The following CNTNAP2 variants were observed in gnomAD, a reference collection of about 807,000 sequenced individuals.
CNTNAP2 encodes contactin associated protein 2.
Under a neutral mutation model 155.2 loss-of-function variants are expected in CNTNAP2, and 98 were observed. The ratio of observed to expected loss-of-function variants is 0.63; its 90% CI spans 0.54 to 0.75. The LOEUF (loss-of-function observed/expected upper bound fraction) is 0.75. CNTNAP2 is among the 30% of genes least tolerant of loss of function. The pLI is 0.00. For missense variants in CNTNAP2, 1,727 were observed against 1,688.1 expected (o/e 1.02, Z -0.40); for synonymous variants, 651 against 631.2 (o/e 1.03, Z -0.47).
At chr7:147,190,253 G>T (rs1802656413) in intron 8 of CNTNAP2, among the ~76,000 whole-genome samples, 1 of 152,068 alleles carries the variant, frequency 6.6e-6, no homozygotes, top group Non-Finnish European at 1.5e-5. Context: ...TCATGTTGTG[G>T]TGTAATTAAA....
At chr7:147,147,247 C>A (rs1256689587) in intron 8 of CNTNAP2, among the ~76,000 whole-genome samples, 1 of 152,044 alleles carries the variant, frequency 6.6e-6, no homozygotes, top group Admixed American at 6.5e-5. Context: ...GGGAAACTGC[C>A]CCATGATCCA....
chr7:148,023,125 G>A (rs1802314607), intron 15 of CNTNAP2, among the ~76,000 whole-genome samples: 1 of 152,190 alleles, frequency 6.6e-6, no homozygotes, highest in South Asian at 2.1e-4. Flanking sequence ...GAATTAAACC[G>A]CAGCTCCCAT....
chr7:147,725,623 G>A (rs1175357015), intron 13 of CNTNAP2, among the ~76,000 whole-genome samples: 1 of 152,072 alleles, frequency 6.6e-6, no homozygotes, highest in African/African-American at 2.4e-5. Context: ...GGAGGAAGAA[G>A]GCTGGATCTG....
At chr7:147,528,818 A>G (rs555644125) in intron 11 of CNTNAP2, among the ~76,000 whole-genome samples, 57 of 152,326 alleles carry the variant, frequency 3.7e-4, no homozygotes, top group African/African-American at 1.1e-3. Context: ...ACAAGCTAGT[A>G]TTCTATCAAA....
At chr7:146,749,257 A>T (rs547752576) in intron 1 of CNTNAP2, among the ~76,000 whole-genome samples, 95 of 152,274 alleles carry the variant, frequency 6.2e-4, no homozygotes, top group African/African-American at 2.2e-3. Flanking sequence ...ATATATGTGT[A>T]TGTGTATCTT....
Position 146,652,534 on chromosome 7 carries a change from A to T in CNTNAP2, c.98-121737A>T, listed in dbSNP as rs1011477782. ...GACTTCACTGAAAAATTTTACTGTC[A>T]TGACCCCTTTAACAATCTTTTTACT... On this transcript the variant is annotated intron_variant, in intron 1 of 23. Transcript: ENST00000361727. Among the ~76,000 whole-genome samples the T allele has an allele frequency of 3.9e-5, 6 of 152,158 alleles. No individual in the cohort carries two copies. The South Asian group carries it at 1.0e-3, about 26-fold the overall frequency.
chr7:147,759,636 A>T, intron 13 of CNTNAP2, among the ~76,000 whole-genome samples: 1 of 152,142 alleles, frequency 6.6e-6, no homozygotes, highest in Non-Finnish European at 1.5e-5. Flanking sequence ...AATTCACAAA[A>T]ATGTCTGCGA....
intron 13 of CNTNAP2, among the ~76,000 whole-genome samples, chr7:147,829,050 C>T (rs1156448531): frequency 6.6e-6 from 1 of 152,132 alleles, no homozygotes; most frequent in Admixed American, 6.5e-5. Context: ...GGCAAGTTCC[C>T]CATTTCCCCT....
chr7:148,089,482 A>T (rs1803797024), intron 15 of CNTNAP2, among the ~76,000 whole-genome samples: 1 of 152,182 alleles, frequency 6.6e-6, no homozygotes, highest in Non-Finnish European at 1.5e-5. Context: ...AACATACAAA[A>T]ATCAACAGCA....
intron 3 of CNTNAP2, among the ~76,000 whole-genome samples, chr7:146,968,246 A>T (rs1409000388): frequency 6.6e-6 from 1 of 152,078 alleles, no homozygotes; most frequent in Non-Finnish European, 1.5e-5. Context: ...ATCAATGTTC[A>T]TCAAGGATAT....
At chr7:146,446,013 A>C (rs576788359) in intron 1 of CNTNAP2, among the ~76,000 whole-genome samples, 1 of 152,266 alleles carries the variant, frequency 6.6e-6, no homozygotes, top group South Asian at 2.1e-4. Flanking sequence ...TGGTTGGTAC[A>C]TTTTGAAAAA....
intron 3 of CNTNAP2, among the ~76,000 whole-genome samples, chr7:146,862,525 C>T (rs1044040727): frequency 2.0e-5 from 3 of 152,138 alleles, no homozygotes; most frequent in African/African-American, 7.2e-5. Context: ...TAATGACACT[C>T]AATGCAAAAT....
At chr7:147,725,350 T>C (rs2116456092) in intron 13 of CNTNAP2, among the ~76,000 whole-genome samples, 1 of 152,250 alleles carries the variant, frequency 6.6e-6, no homozygotes, top group Admixed American at 6.5e-5. Context: ...AATGTTATTT[T>C]CCTTTAAGGA....
At chr7:147,357,281 T>C (rs826823) in intron 9 of CNTNAP2, among the ~76,000 whole-genome samples, 11,800 of 152,186 alleles carry the variant, frequency 0.078, 713 homozygotes, top group East Asian at 0.32. Context: ...ATTTGTTTTC[T>C]GTGCTCCTGC....
chr7:147,233,804 T>C (rs1375072300), intron 8 of CNTNAP2, among the ~76,000 whole-genome samples: 3 of 152,058 alleles, frequency 2.0e-5, no homozygotes, highest in Non-Finnish European at 2.9e-5. Flanking sequence ...AAAACAAAGA[T>C]ATATAATTTA....
At chr7:147,341,275 C>A (rs1281212852) in intron 9 of CNTNAP2, among the ~76,000 whole-genome samples, 4 of 151,724 alleles carry the variant, frequency 2.6e-5, no homozygotes, top group Admixed American at 2.0e-4. Context: ...ACATCACATA[C>A]CGGGGCCTGT....
intron 12 of CNTNAP2, among the ~76,000 whole-genome samples, chr7:147,603,646 C>T (rs1241440326): frequency 6.6e-6 from 1 of 152,066 alleles, no homozygotes; most frequent in African/African-American, 2.4e-5. Context: ...GCCATACTGC[C>T]CAAGCTAATT....
In CNTNAP2 at chr7:146,959,451, G is replaced by A. The variant is rs111598549; in HGVS notation, c.403-84456G>A. ...AAAAAGAAAGAAGCCTGGGCATGGT[G>A]GCTCACATCTGTAATCCCAGCACTT... On this transcript the variant is annotated intron_variant, in intron 3 of 23. Coordinates refer to ENST00000361727, the MANE Select transcript of CNTNAP2 (RefSeq NM_014141.6). 2.6e-3 allele frequency among the ~76,000 whole-genome samples: 397 copies of A among 152,038 alleles called. 1 individual carries two copies. The highest frequency in any genetic ancestry group is 9.1e-3 in the African/African-American group (378 of 41,472).
At chr7:148,279,439 G>A (rs1796934025) in intron 21 of CNTNAP2, among the ~76,000 whole-genome samples, 1 of 152,186 alleles carries the variant, frequency 6.6e-6, no homozygotes, top group Non-Finnish European at 1.5e-5. Flanking sequence ...GTTTCCCAAG[G>A]TATTGGCCTG....
Sources: gnomAD v4.1 joint callset for allele counts (sites outside exome capture counted in the v4.1 genomes callset) on GRCh38, gnomAD v4.1.1 for gene constraint, MANE v1.5 for transcripts, NCBI Gene and HGNC (gene_info 2026-07-23, HGNC 2026-07-21) for gene names.